The following GRIA2 variants were observed in gnomAD, a reference collection of about 807,000 sequenced individuals.
GRIA2 encodes the protein glutamate ionotropic receptor AMPA type subunit 2, also known as glutamate receptor 2.
In GRIA2, 14 loss-of-function variants were observed where a neutral mutation model predicts 97.3. The ratio of observed to expected loss-of-function variants is 0.14; its 90% CI spans 0.10 to 0.23. GRIA2 has a LOEUF of 0.23. Ranked by LOEUF, GRIA2 falls within the 10% of genes least tolerant of loss-of-function variation. The pLI, the probability that GRIA2 is intolerant of heterozygous loss-of-function variation, is 1.00. For synonymous variants in GRIA2, 412 were observed against 387.8 expected, an observed-to-expected ratio of 1.06 and a Z score of -0.73; for missense variants, 558 against 1,069.8, an observed-to-expected ratio of 0.52 and a Z score of 6.67.
intron 2 of GRIA2, among the ~76,000 whole-genome samples, chr4:157,236,497 G>A (rs1189787181): frequency 6.6e-6 from 1 of 151,842 alleles, no homozygotes; most frequent in Non-Finnish European, 1.5e-5. Context: ...TGGCCTTTTT[G>A]TTGATGATTG....
chr4:157,252,004 T>C (rs1307850880), intron 2 of GRIA2, among the ~76,000 whole-genome samples: 1 of 152,162 alleles, frequency 6.6e-6, no homozygotes, highest in Non-Finnish European at 1.5e-5. Context: ...TTTGCACCAT[T>C]AGTGCAACCA....
chr4:157,222,405 G>A (rs1352310900), intron 2 of GRIA2, among the ~76,000 whole-genome samples: 1 of 152,174 alleles, frequency 6.6e-6, no homozygotes, highest in African/African-American at 2.4e-5. Flanking sequence ...GATCGGGGCT[G>A]TTACATAACG....
At chr4:157,264,760 C>T (rs1731693766) in intron 2 of GRIA2, among the ~76,000 whole-genome samples, 1 of 152,096 alleles carries the variant, frequency 6.6e-6, no homozygotes, top group African/African-American at 2.4e-5. Flanking sequence ...AGCTAGCTAG[C>T]AAGGTGAACT....
intron 2 of GRIA2, among the ~76,000 whole-genome samples, chr4:157,270,020 A>C (rs2126787457): frequency 6.6e-6 from 1 of 152,204 alleles, no homozygotes; most frequent in East Asian, 1.9e-4. Context: ...TTTTTCCATT[A>C]AAAGTGACTT....
intron 12 of GRIA2, among the ~76,000 whole-genome samples, chr4:157,348,498 C>T (rs888784763): frequency 6.6e-6 from 1 of 152,082 alleles, no homozygotes; most frequent in African/African-American, 2.4e-5. Flanking sequence ...CCCGGCCTCC[C>T]AGAATGCAGG....
chr4:157,269,089 T>A (rs1484720005), intron 2 of GRIA2, among the ~76,000 whole-genome samples: 1 of 152,074 alleles, frequency 6.6e-6, no homozygotes, highest in Non-Finnish European at 1.5e-5. Context: ...CAGATAGTGG[T>A]AGTATGGGAG....
rs1261121066 is a variant in GRIA2, at chr4:157,336,809, T to G, written c.1844+62T>G. ...GGTCTCAAGTGGACATTCATGGTGT[T>G]TATGGATTCACCCTAAAGAAGTTAC... On this transcript the variant is annotated intron_variant, in intron 11 of 15. Coordinates refer to ENST00000264426, the MANE Select transcript of GRIA2 (RefSeq NM_001083619.3). 3 of 1,499,468 alleles carry G rather than the reference T, an allele frequency of 2.0e-6. No homozygotes were observed. In the East Asian group the frequency reaches 6.8e-5, roughly 34 times the overall value. The allele number at this position is 1,499,468 out of a possible 1,614,324, so 92.9% of individuals were successfully genotyped here.
intron 2 of GRIA2, among the ~76,000 whole-genome samples, chr4:157,261,988 G>A (rs1731556639): frequency 6.6e-6 from 1 of 152,114 alleles, no homozygotes; most frequent in South Asian, 2.1e-4. Flanking sequence ...CAAAAGTTTT[G>A]ATGAATTGAA....
At position 157,334,207 on chromosome 4, in the gene GRIA2, A is replaced by G. The variant is rs964966910; in HGVS notation, c.1266+87A>G. On this transcript the variant is annotated intron_variant, in intron 9 of 15. Transcript: ENST00000264426. Reference sequence around the variant, plus strand: ...TAGCTATTTATATTTTAGGAGAATAATATCTGTTTTGCTTCTTTTGCAATG... The same window carrying G: ...TAGCTATTTATATTTTAGGAGAATAGTATCTGTTTTGCTTCTTTTGCAATG... The G allele has an allele frequency of 1.4e-4, 103 of 733,202 alleles. No homozygotes were observed. In the Middle Eastern group the frequency reaches 1.7e-3, roughly 12 times the overall value. The allele number at this position is 733,202 out of a possible 1,614,324, so 45.4% of individuals were successfully genotyped here. A position where few individuals can be genotyped will look rare whatever the true frequency, so the allele number is the denominator to read the frequency against.
At chr4:157,223,092 C>A (rs1226465984) in intron 2 of GRIA2, among the ~76,000 whole-genome samples, 1 of 152,234 alleles carries the variant, frequency 6.6e-6, no homozygotes, top group Non-Finnish European at 1.5e-5. Flanking sequence ...AAAAGCCCAA[C>A]TGCAGTTTTC....
chr4:157,312,660 T>A lies in GRIA2; in HGVS notation c.470-19T>A. On this transcript the variant is annotated intron_variant, in intron 3 of 15. Transcript: ENST00000264426. ...ATTCACGTATCTTTATCAGTCATCATTTTTCTTTGCCTTCCTAGGCTTATC... is the reference window on the plus strand; with the variant it reads ...ATTCACGTATCTTTATCAGTCATCAATTTTCTTTGCCTTCCTAGGCTTATC... The A allele has an allele frequency of 6.8e-7, 1 of 1,469,386 alleles. No homozygotes were observed. The highest frequency in any genetic ancestry group is 9.2e-7 in the Non-Finnish European group (1 of 1,082,654). The allele number at this position is 1,469,386 out of a possible 1,614,324, so 91.0% of individuals were successfully genotyped here.
chr4:157,310,927 G>T (rs766321187), intron 3 of GRIA2, among the ~76,000 whole-genome samples: 16 of 152,056 alleles, frequency 1.1e-4, no homozygotes, highest in Non-Finnish European at 1.8e-4. Context: ...CACTAAATAG[G>T]TATATACCTA....
chr4:157,347,455 T>C (rs777659032), intron 12 of GRIA2, among the ~76,000 whole-genome samples: 1 of 152,170 alleles, frequency 6.6e-6, no homozygotes, highest in Non-Finnish European at 1.5e-5. Context: ...TTCATACCAA[T>C]AGCAGATCAT....
At chr4:157,285,033 T>C (rs1732774641) in intron 2 of GRIA2, among the ~76,000 whole-genome samples, 1 of 151,766 alleles carries the variant, frequency 6.6e-6, no homozygotes, top group African/African-American at 2.4e-5. Flanking sequence ...TGAATTCACA[T>C]ATCTACTGTC....
At chr4:157,337,089 A>C (rs1055693452) in intron 11 of GRIA2, among the ~76,000 whole-genome samples, 1 of 152,076 alleles carries the variant, frequency 6.6e-6, no homozygotes, top group African/African-American at 2.4e-5. Flanking sequence ...ACAGACCTGT[A>C]TATGGGAAAA....
chr4:157,283,048 A>C (rs1307986555), intron 2 of GRIA2, among the ~76,000 whole-genome samples: 1 of 152,074 alleles, frequency 6.6e-6, no homozygotes, highest in Non-Finnish European at 1.5e-5. Flanking sequence ...GTTTTAGACT[A>C]TTGAAATATC....
intron 2 of GRIA2, among the ~76,000 whole-genome samples, chr4:157,255,223 A>G (rs946064901): frequency 2.0e-5 from 3 of 151,756 alleles, no homozygotes; most frequent in African/African-American, 2.4e-5. Flanking sequence ...AGGTCCATCC[A>G]TGTTGCTGCA....
Position 157,328,604 on chromosome 4 carries a change from C to G in GRIA2, c.883-4215C>G, listed in dbSNP as rs571225694. On this transcript the variant is annotated intron_variant, in intron 6 of 15. Coordinates refer to ENST00000264426, the MANE Select transcript of GRIA2 (RefSeq NM_001083619.3). ...GATCTGCTTCTAAGGAAGTCTTTAC[C>G]TATGGCTGAATCAAACCAGACAATG... 1.6e-4 allele frequency among the ~76,000 whole-genome samples: 25 copies of G among 152,108 alleles called. No individual in the cohort carries two copies. The South Asian group carries it at 4.3e-3, about 26-fold the overall frequency.
chr4:157,264,748 G>A (rs1731693028), intron 2 of GRIA2, among the ~76,000 whole-genome samples: 2 of 152,068 alleles, frequency 1.3e-5, no homozygotes, highest in African/African-American at 2.4e-5. Context: ...TCCCATCTCT[G>A]CAGCTAGCTA....
Sources: allele counts gnomAD v4.1 joint callset (sites outside exome capture counted in the v4.1 genomes callset), GRCh38; gene constraint gnomAD v4.1.1; transcripts MANE v1.5; gene names NCBI Gene and HGNC (gene_info 2026-07-23, HGNC 2026-07-21).